Variants in GRID2 observed in about 807,000 individuals in gnomAD.
GRID2 encodes glutamate receptor ionotropic, delta-2.
Under a neutral mutation model 114.8 loss-of-function variants are expected in GRID2, and 33 were observed. That is an observed-to-expected ratio of 0.29 (90% confidence interval 0.22 to 0.38). The LOEUF is 0.38. Ranked by LOEUF, GRID2 falls within the 10% of genes least tolerant of loss-of-function variation. The pLI is 1.00. For synonymous variants in GRID2, 505 were observed against 449.9 expected (o/e 1.12, Z -1.55); for missense variants, 1,184 against 1,257.7 (o/e 0.94, Z 0.89).
chr4:93,586,523 T>C (rs779417236), intron 13 of GRID2, among the ~76,000 whole-genome samples: 1 of 152,160 alleles, frequency 6.6e-6, no homozygotes, highest in Non-Finnish European at 1.5e-5. Context: ...GCCTATTATA[T>C]GTGAAACACT....
At chr4:93,689,434 A>C (rs1726351502) in intron 14 of GRID2, among the ~76,000 whole-genome samples, 2 of 152,072 alleles carry the variant, frequency 1.3e-5, no homozygotes, top group South Asian at 2.1e-4. Context: ...TCACTTAATA[A>C]ATAGTTTTGG....
intron 13 of GRID2, among the ~76,000 whole-genome samples, chr4:93,590,411 T>G (rs904411554): frequency 5.4e-5 from 8 of 149,418 alleles, no homozygotes; most frequent in African/African-American, 1.5e-4. Flanking sequence ...TCCATTGATC[T>G]ATATCTCTGT....
At chr4:92,862,455 A>T (rs1430316921) in intron 2 of GRID2, among the ~76,000 whole-genome samples, 3 of 151,900 alleles carry the variant, frequency 2.0e-5, no homozygotes, top group Non-Finnish European at 2.9e-5. Context: ...GGCTTTAATA[A>T]TTGCTTGTGT....
intron 13 of GRID2, among the ~76,000 whole-genome samples, chr4:93,566,614 TCAAAAATTAGCCGGGC>T (rs1379435318): frequency 6.6e-6 from 1 of 151,822 alleles, no homozygotes; most frequent in Non-Finnish European, 1.5e-5. Context: ...TACTAAAAAT[TCAAAAATTAGCCGGGC>T]ATAGTGGTGC....
intron 1 of GRID2, among the ~76,000 whole-genome samples, chr4:92,417,982 A>G (rs953143720): frequency 1.3e-5 from 2 of 152,164 alleles, no homozygotes; most frequent in African/African-American, 2.4e-5. Context: ...AGGACTCCCC[A>G]GCCATGTGGA....
intron 14 of GRID2, among the ~76,000 whole-genome samples, chr4:93,636,956 T>C (rs1245712518): frequency 6.6e-6 from 1 of 152,126 alleles, no homozygotes; most frequent in Non-Finnish European, 1.5e-5. Context: ...TTTAAAAAAG[T>C]CAGTTTTTAT....
At chr4:92,680,512 A>G (rs1000923010) in intron 2 of GRID2, among the ~76,000 whole-genome samples, 1 of 152,168 alleles carries the variant, frequency 6.6e-6, no homozygotes, top group African/African-American at 2.4e-5. Context: ...AACAAGCAGT[A>G]AAAGAAAGGG....
intron 1 of GRID2, among the ~76,000 whole-genome samples, chr4:92,349,593 A>G (rs1049522091): frequency 1.3e-5 from 2 of 151,672 alleles, no homozygotes; most frequent in African/African-American, 4.8e-5. Flanking sequence ...ATATTTTATA[A>G]TAAGCAACTC....
At chr4:93,060,290 A>G (rs1010127697) in intron 2 of GRID2, among the ~76,000 whole-genome samples, 1 of 152,126 alleles carries the variant, frequency 6.6e-6, no homozygotes, top group Non-Finnish European at 1.5e-5. Context: ...TTGGAAAAAT[A>G]AAAAATTGGA....
At chr4:93,181,437 C>T (rs1407939576) in intron 4 of GRID2, among the ~76,000 whole-genome samples, 2 of 152,132 alleles carry the variant, frequency 1.3e-5, no homozygotes, top group African/African-American at 2.4e-5. Flanking sequence ...GGAATACTGG[C>T]TTCAACTTAA....
In GRID2 at chr4:92,790,187, C is replaced by T. The variant is rs574814647; in HGVS notation, c.244+199901C>T. On this transcript the variant is annotated intron_variant, in intron 2 of 15. Transcript: ENST00000282020. ...ATACACATCTAAATATGTATGTGTA[C>T]ATAGATACTTATTTATACAAATATA... 1.1e-4 allele frequency among the ~76,000 whole-genome samples: 17 copies of T among 151,734 alleles called. No individual in the cohort carries two copies. In the East Asian group the frequency reaches 3.3e-3, roughly 30 times the overall value.
chr4:93,702,359 G>A (rs755006695), intron 14 of GRID2, among the ~76,000 whole-genome samples: 3 of 152,000 alleles, frequency 2.0e-5, no homozygotes, highest in South Asian at 2.1e-4. Flanking sequence ...TCTGCAATTC[G>A]TCTTTTTCTC....
At chr4:93,437,745 C>T (rs1721235832) in intron 10 of GRID2, among the ~76,000 whole-genome samples, 4 of 152,080 alleles carry the variant, frequency 2.6e-5, no homozygotes, top group Admixed American at 2.6e-4. Flanking sequence ...TGACATTCAG[C>T]TTTAATCTGC....
At chr4:92,635,722 A>G (rs1280626826) in intron 2 of GRID2, among the ~76,000 whole-genome samples, 1 of 152,082 alleles carries the variant, frequency 6.6e-6, no homozygotes, top group African/African-American at 2.4e-5. Context: ...TACAACTAAC[A>G]TTTTTGAAAT....
At chr4:92,730,274 G>A (rs749041638) in intron 2 of GRID2, among the ~76,000 whole-genome samples, 2 of 151,838 alleles carry the variant, frequency 1.3e-5, no homozygotes, top group Non-Finnish European at 2.9e-5. Context: ...AAGGTAGAAA[G>A]CAAAACTGTC....
intron 8 of GRID2, among the ~76,000 whole-genome samples, chr4:93,350,841 C>G (rs1414200110): frequency 6.6e-6 from 1 of 151,992 alleles, no homozygotes; most frequent in Non-Finnish European, 1.5e-5. Flanking sequence ...AGTCTGTTCT[C>G]ATGCTGCTAA....
At position 93,490,628 on chromosome 4, in the gene GRID2, T is replaced by G. The variant is rs562324390; in HGVS notation, c.1859-11T>G. ...TTGATGTTCTTTTTATCTCTTTGCT[T>G]CTTTCTACAGGCGGGGAAGTCCCGT... On this transcript the variant is annotated splice_polypyrimidine_tract_variant and intron_variant, in intron 11 of 15. Transcript: ENST00000282020. 32 of 1,601,742 alleles carry G rather than the reference T, an allele frequency of 2.0e-5. No homozygotes were observed. In the East Asian group the frequency reaches 6.5e-4, roughly 32 times the overall value.
intron 2 of GRID2, among the ~76,000 whole-genome samples, chr4:92,655,146 G>A (rs1732164695): frequency 6.6e-6 from 1 of 152,032 alleles, no homozygotes; most frequent in Admixed American, 6.6e-5. Context: ...ATTGAAGAAG[G>A]TGTTCTTTTT....
intron 2 of GRID2, among the ~76,000 whole-genome samples, chr4:92,813,782 G>C (rs1266491607): frequency 1.3e-5 from 2 of 152,040 alleles, no homozygotes; most frequent in African/African-American, 4.8e-5. Context: ...ATAAAACTGA[G>C]TTTCTAAAGG....
Sources: gnomAD v4.1 joint callset for allele counts (sites outside exome capture counted in the v4.1 genomes callset) on GRCh38, gnomAD v4.1.1 for gene constraint, MANE v1.5 for transcripts, NCBI Gene and HGNC (gene_info 2026-07-23, HGNC 2026-07-21) for gene names.